Variants in BCAN observed in about 807,000 individuals in gnomAD.
BCAN encodes the protein brevican, also known as brevican core protein.
A neutral mutation model predicts 92.4 loss-of-function variants in BCAN; 51 were observed. The ratio of observed to expected loss-of-function variants is 0.55; its 90% CI spans 0.44 to 0.70. The LOEUF (loss-of-function observed/expected upper bound fraction) is 0.70. BCAN is among the 30% of genes least tolerant of loss of function. The pLI is 0.00. For synonymous variants in BCAN, 501 were observed against 505.2 expected (o/e 0.99, Z 0.11); for missense variants, 1,140 against 1,212.1 (o/e 0.94, Z 0.88).
intron 1 of BCAN, chr1:156,644,118 A>G (rs1195380633): frequency 3.3e-5 from 5 of 152,222 alleles, no homozygotes; most frequent in Non-Finnish European, 5.9e-5. Context: ...CTCACTGGTC[A>G]GTGACTCCCA....
Position 156,656,288 on chromosome 1 carries a change from G to A in BCAN, c.1949G>A (p.Cys650Tyr). The part of the protein sequence containing the change: ...GVAVVPASGD[C>Y]VPSPCHNGGT... ...ACTTCTTTCCCCCTCTCAGGTGACTGTGTCCCCAGCCCCTGCCACAATGGT... is the reference window on the plus strand; with the variant it reads ...ACTTCTTTCCCCCTCTCAGGTGACTATGTCCCCAGCCCCTGCCACAATGGT... Residue 650 changes from cysteine to tyrosine, a missense_variant, in exon 9 of 14, where the codon TGT (cysteine) becomes TAT (tyrosine). Transcript: ENST00000329117. 2 of 1,463,538 alleles carry A rather than the reference G, an allele frequency of 1.4e-6. No homozygotes were observed. Among genetic ancestry groups the A allele is most frequent in the Non-Finnish European group, 9.0e-7 (1 of 1,116,960 alleles). The allele number at this position is 1,463,538 out of a possible 1,614,324, so 90.7% of individuals were successfully genotyped here. A position where few individuals can be genotyped will look rare whatever the true frequency, so the allele number is the denominator to read the frequency against.
chr1:156,648,038 G>A lies in BCAN; in HGVS notation c.697G>A (p.Gly233Arg). The A allele has an allele frequency of 2.5e-6, 4 of 1,614,034 alleles. No homozygotes were observed. The highest frequency in any genetic ancestry group is 2.2e-5 in the East Asian group (1 of 44,872). Residue 233 changes from glycine (G) to arginine (R), a missense_variant, in exon 5 of 14, where the codon GGG becomes AGG. This residue lies in a region of BCAN where 29 missense variants were observed against 56.2 expected (regional missense o/e 0.52). Transcript: ENST00000329117. Reference protein sequence around the residue: ...ACYGDMDGFPGVRNYGVVDPD... With the variant: ...ACYGDMDGFPRVRNYGVVDPD... ...TTACGGAGACATGGATGGCTTCCCCGGGGTCCGGAACTATGGTGTGGTGGA... is the reference window on the plus strand; with the variant it reads ...TTACGGAGACATGGATGGCTTCCCCAGGGTCCGGAACTATGGTGTGGTGGA...
rs780615400 is a variant in BCAN at position 156,652,499 on chromosome 1, C to A, written c.1549C>A (p.Pro517Thr). 8 of 1,609,508 alleles carry A rather than the reference C, an allele frequency of 5.0e-6. No individual in the cohort carries two copies. Among genetic ancestry groups the A allele is most frequent in the Non-Finnish European group, 6.8e-6 (8 of 1,177,874 alleles). Residue 517 changes from proline to threonine, a missense_variant, in exon 8 of 14, where the codon CCT becomes ACT. Pro to Thr is a conservative substitution (Grantham distance 38). Around this residue, in one of 3 missense-constraint regions of BCAN, gnomAD observed 825 missense variants for 871.8 expected, o/e 0.95. Transcript: ENST00000329117. ...SQAPARAVLQ[P>T]GASPLPDGES... is the part of the protein sequence containing the mutation. ...GGCGCCAGCAAGGGCAGTCCTGCAG[C>A]CTGGTGCATCACCACTTCCTGATGG... is the stretch of plus-strand genomic sequence containing the variant.
intron 6 of BCAN, among the ~76,000 whole-genome samples, chr1:156,649,617 G>T (rs1679095716): frequency 6.6e-6 from 1 of 152,156 alleles, no homozygotes. Flanking sequence ...TGCCCAGGCT[G>T]GTCTTGAACT....
In BCAN at chr1:156,657,025, A is replaced by C. The variant is rs1186354861; in HGVS notation, c.2138A>C (p.Glu713Ala). ...FSTRRSWEEA[E>A]TQCRMYGAHL... ...ACACGAAGGAGCTGGGAGGAGGCAG[A>C]GACCCAGTGCCGGATGTACGGCGCG... Residue 713 changes from glutamate to alanine, a missense_variant, in exon 10 of 14, where the codon GAG (glutamate) becomes GCG (alanine). Glu to Ala is a moderately radical substitution (Grantham distance 107). Transcript: ENST00000329117. 6.2e-7 allele frequency: 1 copy of C among 1,614,106 alleles called. No homozygotes were observed. Among genetic ancestry groups the C allele is most frequent in the African/African-American group, 1.3e-5 (1 of 74,942 alleles).
At chr1:156,655,808 T>G (rs1679304479) in intron 8 of BCAN, among the ~76,000 whole-genome samples, 1 of 152,150 alleles carries the variant, frequency 6.6e-6, no homozygotes, top group Non-Finnish European at 1.5e-5. Flanking sequence ...TTCCATTCAT[T>G]CCACCTGGAC....
In BCAN at chr1:156,647,611, G is replaced by T; in HGVS notation, c.570G>T (p.Glu190Asp). The T allele has an allele frequency of 6.2e-7, 1 of 1,613,052 alleles. No homozygotes were observed. Among genetic ancestry groups the T allele is most frequent in the Non-Finnish European group, 8.5e-7 (1 of 1,179,646 alleles). ...ARIGAHIATP[E>D]QLYAAYLGGY... is the part of the protein sequence containing the mutation. Reference sequence around the variant, plus strand: ...TTGGAGCCCACATCGCCACCCCGGAGCAGCTCTATGCCGCCTACCTTGGGG... The same window carrying T: ...TTGGAGCCCACATCGCCACCCCGGATCAGCTCTATGCCGCCTACCTTGGGG... Residue 190 changes from glutamate to aspartate, a missense_variant, in exon 4 of 14, where the codon GAG becomes GAT. Coordinates refer to ENST00000329117, the MANE Select transcript of BCAN (RefSeq NM_021948.5). This position sits in a 1 kb window ranked among gnomAD's most constrained non-coding sequence, Gnocchi z 4.8.
chr1:156,656,015 C>T lies in BCAN; in HGVS notation c.1943-267C>T, dbSNP rs567259511. 1.8e-3 allele frequency among the ~76,000 whole-genome samples: 279 copies of T among 152,312 alleles called. 1 individual carries two copies. The highest frequency in any genetic ancestry group is 6.8e-3 in the Middle Eastern group (2 of 294). On this transcript the variant is annotated intron_variant, in intron 8 of 13. Coordinates refer to ENST00000329117, the MANE Select transcript of BCAN (RefSeq NM_021948.5). The stretch of plus-strand genomic sequence containing the variant: ...GCTCTCCTAGCCTCTTCTCCCCAGC[C>T]CCTTTTGGGCTGGGCTCACACTGGT...
Position 156,652,426 on chromosome 1 carries a change from G to A in BCAN, c.1476G>A (p.Glu492=), listed in dbSNP as rs1679196154. 6.2e-7 allele frequency: 1 copy of A among 1,605,002 alleles called. No homozygotes were observed. The highest frequency in any genetic ancestry group is 1.3e-5 in the African/African-American group (1 of 74,770). Residue 492 remains glutamate (E), a synonymous_variant, in exon 8 of 14, where the codon GAG becomes GAA. Transcript: ENST00000329117. Reference sequence around the variant, plus strand: ...GCGAGCTCAGCAGCCCGGGCCCTGAGGCCTCTCTCCCCACTGAGCCAGCAG... The same window carrying A: ...GCGAGCTCAGCAGCCCGGGCCCTGAAGCCTCTCTCCCCACTGAGCCAGCAG... ...WPSELSSPGP[E]ASLPTEPAAQ... is the part of the protein sequence containing the mutation.
chr1:156,652,016 A>G (rs1480135652), intron 7 of BCAN, among the ~76,000 whole-genome samples: 2 of 152,192 alleles, frequency 1.3e-5, no homozygotes, highest in Non-Finnish European at 2.9e-5. Flanking sequence ...ACAAATGACC[A>G]TGTTCTCCGG....
Position 156,658,634 on chromosome 1 carries a change from G to C in BCAN, c.2529G>C (p.Arg843=). The change falls in exon 13 of 14, where the codon CGG becomes CGC. Residue 843 remains arginine, a synonymous_variant. Transcript: ENST00000329117. This position sits in a 1 kb window ranked among gnomAD's most constrained non-coding sequence, Gnocchi z 4.4. ...AGGTGGACACTGTGCTTCGCTACCG[G>C]TGCCGGGAAGGACTGGCCCAGCGCA... The part of the protein sequence containing the change: ...RYEVDTVLRY[R]CREGLAQRNL... 6.2e-7 allele frequency: 1 copy of C among 1,614,146 alleles called. No individual in the cohort carries two copies. Among genetic ancestry groups the C allele is most frequent in the South Asian group, 1.1e-5 (1 of 91,084 alleles).
At chr1:156,656,716 C>G (rs34478535) in intron 9 of BCAN, 168,161 of 603,876 alleles carry the variant, frequency 0.28, 26,491 homozygotes, top group Non-Finnish European at 0.34. Flanking sequence ...CCATCCCTCA[C>G]CCTGGTTCCT....
At chr1:156,649,940 T>C (rs746330371) in intron 6 of BCAN, 4 of 518,864 alleles carry the variant, frequency 7.7e-6, no homozygotes, top group South Asian at 1.4e-5. Flanking sequence ...ACACAGCTTT[T>C]GCCATGGGAA....
rs1247167549 is a variant in BCAN, at chr1:156,648,754, G to A, written c.956G>A (p.Ser319Asn). The A allele has an allele frequency of 3.7e-6, 6 of 1,612,314 alleles. No homozygotes were observed. The highest frequency in any genetic ancestry group is 5.1e-6 in the Non-Finnish European group (6 of 1,178,616). ...GTGCGCTACCCCATCGTCACACCCA[G>A]CCAGCGCTGTGGTGGGGGCTTGCCT... is the stretch of plus-strand genomic sequence containing the variant. ...GSVRYPIVTP[S>N]QRCGGGLPGV... is the part of the protein sequence containing the mutation. Residue 319 changes from serine to asparagine, a missense_variant, in exon 6 of 14, where the codon AGC becomes AAC. Physicochemically the swap from Ser to Asn is conservative, Grantham distance 46 (BLOSUM62 1). This residue lies in a region of BCAN where 825 missense variants were observed against 871.8 expected (regional missense o/e 0.95). Transcript: ENST00000329117.
Position 156,658,340 on chromosome 1 carries a change from T to C in BCAN, c.2437+69T>C. On this transcript the variant is annotated intron_variant, in intron 12 of 13. Transcript: ENST00000329117. The surrounding 1 kb of genome is among the most constrained non-coding windows in gnomAD (Gnocchi z 4.4). ...TGGGCTAGGGGACCAGAGGGACTGA[T>C]GTTTGTAGACAGAGAGTGCAAAGCA... 6.3e-7 allele frequency: 1 copy of C among 1,577,848 alleles called. No individual in the cohort carries two copies. Among genetic ancestry groups the C allele is most frequent in the South Asian group, 1.2e-5 (1 of 84,842 alleles).
Position 156,652,801 on chromosome 1 carries a change from A to G in BCAN, c.1851A>G (p.Arg617=). 6.2e-7 allele frequency: 1 copy of G among 1,613,454 alleles called. No individual in the cohort carries two copies. The highest frequency in any genetic ancestry group is 8.5e-7 in the Non-Finnish European group (1 of 1,179,556). Residue 617 remains arginine (R), a synonymous_variant, in exon 8 of 14, where the codon AGA becomes AGG. Coordinates refer to ENST00000329117, the MANE Select transcript of BCAN (RefSeq NM_021948.5). The part of the protein sequence containing the change: ...LEAPSEDNSG[R]TAPAGTSVQA... The stretch of plus-strand genomic sequence containing the variant: ...CCCCCTCTGAAGATAATTCTGGAAG[A>G]ACTGCCCCAGCAGGGACCTCAGTGC...
Position 156,651,552 on chromosome 1 carries a change from TG to T in BCAN, c.1162del (p.Glu388ArgfsTer45). 1 of 1,613,988 alleles carries T rather than the reference TG, an allele frequency of 6.2e-7. No homozygotes were observed. Among genetic ancestry groups the T allele is most frequent in the Non-Finnish European group, 8.5e-7 (1 of 1,180,002 alleles). On this transcript the variant is annotated frameshift_variant, in exon 7 of 14. Transcript: ENST00000329117. LOFTEE classifies it high-confidence loss of function. Reference protein sequence around the residue: ...LEAIVTVTETLEELQLPQEAT... With the variant: ...LEAIVTVTETXEELQLPQEAT... ...GCTATCGTCACAGTGACAGAGACCC[TG>T]GAGGAACTGCAGCTGCCTCAGGAAG... is the stretch of plus-strand genomic sequence containing the variant.
chr1:156,658,001 C>T lies in BCAN; in HGVS notation c.2293-126C>T. 3.5e-6 allele frequency: 4 copies of T among 1,155,552 alleles called. No homozygotes were observed. In the Admixed American group the frequency reaches 7.8e-5, roughly 22 times the overall value. 71.6% of individuals were successfully genotyped at this position (1,155,552 alleles called of 1,614,324 possible). A position where few individuals can be genotyped will look rare whatever the true frequency, so the allele number is the denominator to read the frequency against. On this transcript the variant is annotated intron_variant, in intron 11 of 13. Coordinates refer to ENST00000329117, the MANE Select transcript of BCAN (RefSeq NM_021948.5). This position sits in a 1 kb window ranked among gnomAD's most constrained non-coding sequence, Gnocchi z 4.4. Reference sequence around the variant, plus strand: ...CCTTTCCCCTTCCCCGGGAGATCCCCTACCCCCTAGCCCTAACCTTCCCTC... The same window carrying T: ...CCTTTCCCCTTCCCCGGGAGATCCCTTACCCCCTAGCCCTAACCTTCCCTC...
In BCAN at chr1:156,658,543, T is replaced by C; in HGVS notation, c.2438T>C (p.Val813Ala). ...HLSYTCKMGL[V>A]SCGPPPELPL... ...AGTTCCTAACTGTCTTCCTTTGCAG[T>C]GTCCTGTGGGCCGCCACCGGAGCTG... Residue 813 changes from valine to alanine, a missense_variant and splice_region_variant, in exon 13 of 14, where the codon GTG becomes GCG. Val to Ala is a moderately conservative substitution (Grantham distance 64). This residue lies in a region of BCAN where 825 missense variants were observed against 871.8 expected (regional missense o/e 0.95). Coordinates refer to ENST00000329117, the MANE Select transcript of BCAN (RefSeq NM_021948.5). The surrounding 1 kb of genome is among the most constrained non-coding windows in gnomAD (Gnocchi z 4.4). 3.1e-6 allele frequency: 5 copies of C among 1,612,788 alleles called. No individual in the cohort carries two copies. The highest frequency in any genetic ancestry group is 4.2e-6 in the Non-Finnish European group (5 of 1,179,192).
Sources: allele counts gnomAD v4.1 joint callset (sites outside exome capture counted in the v4.1 genomes callset), GRCh38; gene constraint gnomAD v4.1.1; regional missense constraint gnomAD v4.1.1; non-coding constraint Gnocchi (gnomAD v3.1); transcripts MANE v1.5; gene names NCBI Gene and HGNC (gene_info 2026-07-23, HGNC 2026-07-21).